MAP1LC3B2: variants seen among roughly 807,000 people sequenced by gnomAD.
MAP1LC3B2 encodes the protein microtubule associated protein 1 light chain 3 beta 2, also known as microtubule-associated protein 1 light chain 3 beta 2.
For synonymous variants in MAP1LC3B2, 62 were observed against 57.8 expected (o/e 1.07, Z -0.33); for missense variants, 155 against 154.6 (o/e 1.00, Z -0.01).
intron 1 of MAP1LC3B2, 71 bp from the exon 2 acceptor site, chr12:116,575,771 A>T: frequency 1.5e-6 from 1 of 677,910 alleles, no homozygotes; most frequent in East Asian, 2.7e-5. Flanking sequence ...TAAATATATG[A>T]TGGTGTGTGG....
chr12:116,575,914 G>A lies in MAP1LC3B2; in HGVS notation c.-29G>A. ...CAGGAGCCGCCGGGACCCTCGCGTC[G>A]TCGCCGCCGCGGCCCAGATCCCCAC... On this transcript the variant is annotated 5_prime_UTR_variant, in exon 2 of 2. Coordinates refer to ENST00000556529, the MANE Select transcript of MAP1LC3B2 (RefSeq NM_001085481.3). 1.2e-6 allele frequency: 2 copies of A among 1,613,660 alleles called. No homozygotes were observed. Among genetic ancestry groups the A allele is most frequent in the Non-Finnish European group, 1.7e-6 (2 of 1,179,724 alleles).
chr12:116,568,868 C>CT (rs35884310), intron 1 of MAP1LC3B2, among the ~76,000 whole-genome samples: 81,147 of 139,662 alleles, frequency 0.58, 24,304 homozygotes, highest in African/African-American at 0.69. Flanking sequence ...TCTTTTCTTT[C>CT]TTTTTTTTTT....
chr12:116,561,992 C>G (rs1053972249), intron 1 of MAP1LC3B2, among the ~76,000 whole-genome samples: 1 of 151,260 alleles, frequency 6.6e-6, no homozygotes, highest in African/African-American at 2.4e-5. Context: ...CCCCCTCATT[C>G]CAGGAGAGGG....
Position 116,576,069 on chromosome 12 carries a change from C to T in MAP1LC3B2, c.127C>T (p.Gln43Ter). The T allele has an allele frequency of 1.2e-6, 2 of 1,614,242 alleles. No homozygotes were observed. Among genetic ancestry groups the T allele is most frequent in the Non-Finnish European group, 1.7e-6 (2 of 1,180,054 alleles). ...VIIERYKGEK[Q>*]LPVLDKTKFL... Reference sequence around the variant, plus strand: ...AATAGAACGATACAAGGGTGAGAAGCAGCTTCCTGTTCTGGATAAAACAAA... The same window carrying T: ...AATAGAACGATACAAGGGTGAGAAGTAGCTTCCTGTTCTGGATAAAACAAA... The change falls in exon 2 of 2, where the codon CAG becomes TAG. Residue 43 changes from glutamine (Q) to a stop codon, truncating the protein, a stop_gained. Coordinates refer to ENST00000556529, the MANE Select transcript of MAP1LC3B2 (RefSeq NM_001085481.3). LOFTEE classifies it low-confidence loss of function (END_TRUNC).
intron 1 of MAP1LC3B2, 66 bp from the exon 2 acceptor site, chr12:116,575,776 G>A: frequency 2.9e-6 from 2 of 694,598 alleles, no homozygotes; most frequent in South Asian, 1.8e-5. Context: ...ATATGATGGT[G>A]TGTGGCTGTA....
intron 1 of MAP1LC3B2, among the ~76,000 whole-genome samples, chr12:116,570,633 T>G (rs1869503843): frequency 6.6e-6 from 1 of 152,332 alleles, no homozygotes; most frequent in South Asian, 2.1e-4. Flanking sequence ...TTGGCTCTCA[T>G]TCTCTCTTGC....
intron 1 of MAP1LC3B2, among the ~76,000 whole-genome samples, chr12:116,572,901 G>T (rs1315070678): frequency 6.6e-6 from 1 of 152,144 alleles, no homozygotes; most frequent in Non-Finnish European, 1.5e-5. Flanking sequence ...TGGGCCCTCA[G>T]CCTCAATTCA....
Position 116,576,230 on chromosome 12 carries a change from A to G in MAP1LC3B2, c.288A>G (p.Ser96=). Residue 96 remains serine, a synonymous_variant, in exon 2 of 2, where the codon TCA becomes TCG. Transcript: ENST00000556529. ...HSMVSVSTPI[S]EVYESEKDED... Reference sequence around the variant, plus strand: ...TGGTCAGCGTCTCCACACCAATCTCAGAGGTGTATGAGAGTGAGAAAGATG... The same window carrying G: ...TGGTCAGCGTCTCCACACCAATCTCGGAGGTGTATGAGAGTGAGAAAGATG... 2.5e-6 allele frequency: 4 copies of G among 1,613,946 alleles called. No homozygotes were observed. The South Asian group carries it at 3.3e-5, about 13-fold the overall frequency.
At chr12:116,561,962 G>A (rs1426448600) in intron 1 of MAP1LC3B2, among the ~76,000 whole-genome samples, 6 of 152,080 alleles carry the variant, frequency 3.9e-5, no homozygotes, top group South Asian at 2.1e-4. Context: ...GCTTGCCTTC[G>A]GGAGACCATC....
At chr12:116,567,759 TA>T (rs201614746) in intron 1 of MAP1LC3B2, among the ~76,000 whole-genome samples, 3 of 150,106 alleles carry the variant, frequency 2.0e-5, no homozygotes, top group African/African-American at 7.3e-5. Flanking sequence ...AAAATAAAAA[TA>T]AAAAAATATA....
At chr12:116,561,945 C>T (rs1267548887) in intron 1 of MAP1LC3B2, among the ~76,000 whole-genome samples, 1 of 152,216 alleles carries the variant, frequency 6.6e-6, no homozygotes, top group African/African-American at 2.4e-5. Context: ...TTTGCTTCAG[C>T]ATCCTGGCTT....
At position 116,571,723 on chromosome 12, in the gene MAP1LC3B2, C is replaced by T. The variant is rs1592868733; in HGVS notation, c.-101-4119C>T. On this transcript the variant is annotated intron_variant, in intron 1 of 1. Coordinates refer to ENST00000556529, the MANE Select transcript of MAP1LC3B2 (RefSeq NM_001085481.3). Reference sequence around the variant, plus strand: ...GTCTCGATCTCCTAACCTCGTGATCCGCCTGTCTCGGCCGCCCAAAGTGCT... The same window carrying T: ...GTCTCGATCTCCTAACCTCGTGATCTGCCTGTCTCGGCCGCCCAAAGTGCT... Among the ~76,000 whole-genome samples, 3 of 151,712 alleles carry T rather than the reference C, an allele frequency of 2.0e-5. No individual in the cohort carries two copies. The East Asian group carries it at 5.9e-4, about 30-fold the overall frequency.
chr12:116,574,515 G>A (rs746609300), intron 1 of MAP1LC3B2, among the ~76,000 whole-genome samples: 5 of 151,950 alleles, frequency 3.3e-5, no homozygotes, highest in African/African-American at 7.2e-5. Context: ...GTGTGGTGGC[G>A]TGCCCCTGTG....
At chr12:116,572,708 T>C (rs887847454) in intron 1 of MAP1LC3B2, among the ~76,000 whole-genome samples, 2 of 152,242 alleles carry the variant, frequency 1.3e-5, no homozygotes, top group African/African-American at 4.8e-5. Flanking sequence ...TCCCAGAGTC[T>C]TTTCTTCACA....
rs771672347 is a variant in MAP1LC3B2, at chr12:116,576,023, T to C, written c.81T>C (p.His27=). The C allele has an allele frequency of 1.2e-6, 2 of 1,614,080 alleles. No homozygotes were observed. Among genetic ancestry groups the C allele is most frequent in the Non-Finnish European group, 1.7e-6 (2 of 1,180,040 alleles). The part of the protein sequence containing the change: ...VEDVRLIREQ[H]PTKIPVIIER... ...ATGTCCGACTTATTCGAGAGCAGCA[T>C]CCAACCAAAATCCCGGTGATAATAG... The change falls in exon 2 of 2, where the codon CAT becomes CAC. Residue 27 remains histidine (H), a synonymous_variant. Transcript: ENST00000556529.
chr12:116,570,459 A>G (rs1384584028), intron 1 of MAP1LC3B2, among the ~76,000 whole-genome samples: 1 of 152,180 alleles, frequency 6.6e-6, no homozygotes, highest in Non-Finnish European at 1.5e-5. Flanking sequence ...CTGTGTCTCC[A>G]CCCAAATCTT....
intron 1 of MAP1LC3B2, among the ~76,000 whole-genome samples, chr12:116,571,920 G>A (rs1592868825): frequency 1.4e-5 from 2 of 141,408 alleles, no homozygotes. Context: ...CATAGCTGTA[G>A]AAAACAACAT....
chr12:116,571,504 G>A (rs1277910985), intron 1 of MAP1LC3B2, among the ~76,000 whole-genome samples: 3 of 85,054 alleles, frequency 3.5e-5, no homozygotes, highest in South Asian at 4.1e-4. Context: ...TTTTTGAGAC[G>A]GAGTCTCATT....
intron 1 of MAP1LC3B2, among the ~76,000 whole-genome samples, chr12:116,574,607 C>T (rs754564149): frequency 2.6e-5 from 4 of 151,788 alleles, no homozygotes; most frequent in African/African-American, 4.8e-5. Context: ...GATCGTGCCA[C>T]TGTGCTCCAG....
Sources: gnomAD v4.1 joint callset for allele counts (sites outside exome capture counted in the v4.1 genomes callset) on GRCh38, gnomAD v4.1.1 for gene constraint, MANE v1.5 for transcripts, NCBI Gene and HGNC (gene_info 2026-07-23, HGNC 2026-07-21) for gene names.